The following GPM6A variants were observed in gnomAD, a reference collection of about 807,000 sequenced individuals.
GPM6A encodes the protein neuronal membrane glycoprotein M6-a.
In GPM6A, 7 loss-of-function variants were observed where a neutral mutation model predicts 32.1. The ratio of observed to expected loss-of-function variants is 0.22; its 90% CI spans 0.12 to 0.41. The LOEUF is 0.41. Ranked by LOEUF, GPM6A falls within the 10% of genes least tolerant of loss-of-function variation. The probability of loss-of-function intolerance (pLI) is 1.00; values close to 1 mark genes in which losing one functional copy is unlikely to be tolerated. For missense variants in GPM6A, 235 were observed against 347.2 expected (o/e 0.68, Z 2.57); for synonymous variants, 130 against 123.4 (o/e 1.05, Z -0.35).
At chr4:175,679,718 G>T (rs143806444) in intron 2 of GPM6A, among the ~76,000 whole-genome samples, 3 of 152,212 alleles carry the variant, frequency 2.0e-5, no homozygotes, top group Non-Finnish European at 4.4e-5. Flanking sequence ...TAGTGACACG[G>T]ACTAATGGTA....
chr4:175,664,875 C>T (rs1341665816), intron 3 of GPM6A, among the ~76,000 whole-genome samples: 1 of 152,150 alleles, frequency 6.6e-6, no homozygotes, highest in Non-Finnish European at 1.5e-5. Flanking sequence ...TATATACTTA[C>T]ACAAACCTAG....
chr4:175,671,889 C>A (rs1255288748), intron 3 of GPM6A, among the ~76,000 whole-genome samples: 2 of 147,456 alleles, frequency 1.4e-5, no homozygotes, highest in South Asian at 2.2e-4. Flanking sequence ...TGGGCTGACA[C>A]CCTGCTGCAT....
chr4:175,742,272 G>T (rs1410976338), intron 1 of GPM6A, among the ~76,000 whole-genome samples: 1 of 152,006 alleles, frequency 6.6e-6, no homozygotes, highest in Non-Finnish European at 1.5e-5. Flanking sequence ...ATGGTGGGTT[G>T]TTCTAGAGAA....
At chr4:175,675,799 A>G (rs894942272) in intron 2 of GPM6A, among the ~76,000 whole-genome samples, 1 of 152,022 alleles carries the variant, frequency 6.6e-6, no homozygotes, top group Non-Finnish European at 1.5e-5. Flanking sequence ...AGAGGTGTGC[A>G]CCACCATGCC....
intron 2 of GPM6A, among the ~76,000 whole-genome samples, chr4:175,682,534 T>G (rs750097404): frequency 6.6e-6 from 1 of 152,130 alleles, no homozygotes; most frequent in Non-Finnish European, 1.5e-5. Context: ...TTCAGAGACC[T>G]TTGTGGTAGC....
At chr4:175,871,758 T>C (rs950839623) in intron 1 of GPM6A, among the ~76,000 whole-genome samples, 1 of 152,200 alleles carries the variant, frequency 6.6e-6, no homozygotes, top group Non-Finnish European at 1.5e-5. Flanking sequence ...ATTAATAGCA[T>C]TATGACTCTT....
At chr4:175,675,792 G>C (rs1048269433) in intron 2 of GPM6A, among the ~76,000 whole-genome samples, 2 of 152,064 alleles carry the variant, frequency 1.3e-5, no homozygotes, top group African/African-American at 4.8e-5. Flanking sequence ...AGAGACTAGA[G>C]GTGTGCACCA....
chr4:175,904,647 G>A (rs1242541783), intron 1 of GPM6A, among the ~76,000 whole-genome samples: 2 of 152,104 alleles, frequency 1.3e-5, no homozygotes, highest in Non-Finnish European at 2.9e-5. Flanking sequence ...ATATCTGAAC[G>A]TGAAGGTATA....
At chr4:175,899,804 A>G (rs1451515200) in intron 1 of GPM6A, among the ~76,000 whole-genome samples, 1 of 152,158 alleles carries the variant, frequency 6.6e-6, no homozygotes, top group Non-Finnish European at 1.5e-5. Context: ...CAGGACATTG[A>G]TCTCAGCAAA....
chr4:175,919,815 A>C (rs1167185927), intron 1 of GPM6A, among the ~76,000 whole-genome samples: 2 of 152,222 alleles, frequency 1.3e-5, no homozygotes, highest in Non-Finnish European at 2.9e-5. Flanking sequence ...GATCCAATTC[A>C]GTCTGAAATC....
chr4:175,782,488 A>G (rs1733648877), intron 1 of GPM6A, among the ~76,000 whole-genome samples: 1 of 152,076 alleles, frequency 6.6e-6, no homozygotes, highest in Non-Finnish European at 1.5e-5. Flanking sequence ...CCCCTTACAT[A>G]TCTCTAATAT....
intron 1 of GPM6A, among the ~76,000 whole-genome samples, chr4:175,932,475 C>A (rs573109673): frequency 1.6e-4 from 24 of 152,234 alleles, no homozygotes; most frequent in Non-Finnish European, 2.8e-4. Context: ...CCTCCGTTAC[C>A]GCGAGAAAAT....
intron 3 of GPM6A, among the ~76,000 whole-genome samples, chr4:175,662,902 C>T (rs1038287817): frequency 6.6e-6 from 1 of 152,006 alleles, no homozygotes; most frequent in Non-Finnish European, 1.5e-5. Context: ...AAAATCACTG[C>T]TTATACAATT....
At chr4:175,913,849 T>C (rs1738399827) in intron 1 of GPM6A, among the ~76,000 whole-genome samples, 2 of 152,298 alleles carry the variant, frequency 1.3e-5, no homozygotes, top group South Asian at 4.2e-4. Flanking sequence ...TCTTCCTTTC[T>C]CCATCATACC....
intron 1 of GPM6A, among the ~76,000 whole-genome samples, chr4:175,887,709 A>C (rs1346678922): frequency 6.6e-6 from 1 of 151,898 alleles, no homozygotes; most frequent in Non-Finnish European, 1.5e-5. Flanking sequence ...ACCATGATAA[A>C]AATTTTGAAA....
chr4:175,936,877 G>A (rs1054250970), intron 1 of GPM6A, among the ~76,000 whole-genome samples: 5 of 151,796 alleles, frequency 3.3e-5, no homozygotes, highest in African/African-American at 1.2e-4. Flanking sequence ...ATAAAATAAG[G>A]AAACAATATA....
chr4:175,730,030 C>A (rs1731350151), intron 1 of GPM6A, among the ~76,000 whole-genome samples: 1 of 150,468 alleles, frequency 6.6e-6, no homozygotes, highest in Non-Finnish European at 1.5e-5. Flanking sequence ...TCATGCATAC[C>A]CAACTTTCTC....
chr4:175,995,176 C>G (rs1009844437), intron 1 of GPM6A, among the ~76,000 whole-genome samples: 1 of 152,068 alleles, frequency 6.6e-6, no homozygotes, highest in African/African-American at 2.4e-5. Flanking sequence ...CCTATTAATA[C>G]TGATATTTGA....
chr4:175,735,431 C>G (rs1258448613), intron 1 of GPM6A, among the ~76,000 whole-genome samples: 5 of 152,148 alleles, frequency 3.3e-5, no homozygotes, highest in Non-Finnish European at 7.4e-5. Flanking sequence ...ATACACTAAT[C>G]AGGCTGTGAA....
Sources: allele counts gnomAD v4.1 joint callset (sites outside exome capture counted in the v4.1 genomes callset), GRCh38; gene constraint gnomAD v4.1.1; transcripts MANE v1.5; gene names NCBI Gene and HGNC (gene_info 2026-07-23, HGNC 2026-07-21).